Variants in MLXIP observed in about 807,000 individuals in gnomAD.
The protein encoded by MLXIP is MLX interacting protein.
Under a neutral mutation model 87.2 loss-of-function variants are expected in MLXIP, and 30 were observed. The observed-to-expected ratio is 0.34, with a 90% CI of 0.26 to 0.47. The LOEUF is 0.47. Ranked by LOEUF, MLXIP falls within the 20% of genes least tolerant of loss-of-function variation. The pLI is 1.00. For synonymous variants in MLXIP, 530 were observed against 514.0 expected (o/e 1.03, Z -0.42); for missense variants, 1,002 against 1,240.1 (o/e 0.81, Z 2.88).
Position 122,133,643 on chromosome 12 carries a change from C to T in MLXIP, c.1388C>T (p.Pro463Leu), listed in dbSNP as rs553445850. ...CCTCCTGCCACTGCCCTGAACCCCC[C>T]GGCTCCACCCACCTTCCATCAGCCA... ...VPPPATALNP[P>L]APPTFHQPQK... Residue 463 changes from proline (P) to leucine (L), a missense_variant, in exon 9 of 17, where the codon CCG becomes CTG. Around this residue, in one of 3 missense-constraint regions of MLXIP, gnomAD observed 746 missense variants for 897.0 expected, o/e 0.83. Transcript: ENST00000319080. This position sits in a 1 kb window ranked among gnomAD's most constrained non-coding sequence, Gnocchi z 4.9. 9.3e-6 allele frequency: 15 copies of T among 1,613,132 alleles called. No homozygotes were observed. Among genetic ancestry groups the T allele is most frequent in the Admixed American group, 1.7e-5 (1 of 59,938 alleles).
chr12:122,122,372 A>G (rs1457811357), intron 1 of MLXIP, among the ~76,000 whole-genome samples: 1 of 151,874 alleles, frequency 6.6e-6, no homozygotes, highest in Admixed American at 6.6e-5. Flanking sequence ...GGCTTTGTAA[A>G]AAAAATTTTT....
Position 122,141,759 on chromosome 12 carries a change from G to C in MLXIP, c.2707G>C (p.Glu903Gln), listed in dbSNP as rs1307339769. 1 of 1,613,882 alleles carries C rather than the reference G, an allele frequency of 6.2e-7. No homozygotes were observed. Among genetic ancestry groups the C allele is most frequent in the South Asian group, 1.1e-5 (1 of 91,076 alleles). Residue 903 changes from glutamate to glutamine, a missense_variant, in exon 17 of 17, where the codon GAG (glutamate) becomes CAG (glutamine). By Grantham distance (29) the Glu-to-Gln change is conservative. Around this residue, in one of 3 missense-constraint regions of MLXIP, gnomAD observed 746 missense variants for 897.0 expected, o/e 0.83. Coordinates refer to ENST00000319080, the MANE Select transcript of MLXIP (RefSeq NM_014938.6). The part of the protein sequence containing the change: ...SILTDPAQLP[E>Q]QASKAVTRIG... ...CCTCACAGACCCGGCACAGCTGCCA[G>C]AGCAGGCGTCCAAGGCTGTCACCAG... is the stretch of plus-strand genomic sequence containing the variant.
intron 12 of MLXIP, 72 bp from the exon 13 acceptor site, chr12:122,138,122 G>T: frequency 1.5e-6 from 2 of 1,366,110 alleles, no homozygotes; most frequent in Non-Finnish European, 2.0e-6. Context: ...CAGGATCAGC[G>T]TAGGGGGTGA....
intron 1 of MLXIP, among the ~76,000 whole-genome samples, chr12:122,112,879 A>G (rs1333598077): frequency 6.6e-6 from 1 of 152,200 alleles, no homozygotes; most frequent in African/African-American, 2.4e-5. Context: ...GTAACAAGGG[A>G]AGCCGTGAAA....
intron 1 of MLXIP, among the ~76,000 whole-genome samples, chr12:122,113,038 T>G (rs1952628834): frequency 6.6e-6 from 1 of 152,238 alleles, no homozygotes; most frequent in African/African-American, 2.4e-5. Flanking sequence ...CATTGTTTAT[T>G]TGAAACAGCA....
intron 1 of MLXIP, among the ~76,000 whole-genome samples, chr12:122,101,696 G>A (rs540733877): frequency 8.7e-5 from 13 of 149,766 alleles, no homozygotes; most frequent in South Asian, 6.3e-4. Flanking sequence ...TTCTCCTGCC[G>A]CAGCCTCCCG....
intron 1 of MLXIP, among the ~76,000 whole-genome samples, chr12:122,089,899 A>G (rs139255540): frequency 6.6e-6 from 1 of 152,286 alleles, no homozygotes; most frequent in African/African-American, 2.4e-5. Context: ...TTACAGGATG[A>G]GAAGAAGGAA....
rs1953214424 is a variant in MLXIP at position 122,141,957 on chromosome 12, A to G, written c.*145A>G. 2.3e-6 allele frequency: 3 copies of G among 1,295,920 alleles called. No homozygotes were observed. The highest frequency in any genetic ancestry group is 2.3e-5 in the Admixed American group (1 of 44,144). The allele number at this position is 1,295,920 out of a possible 1,614,324, so 80.3% of individuals were successfully genotyped here. On this transcript the variant is annotated 3_prime_UTR_variant, in exon 17 of 17. Coordinates refer to ENST00000319080, the MANE Select transcript of MLXIP (RefSeq NM_014938.6). ...CGGCCCACCGTGGCATCGGGAGGCC[A>G]TGCTCAGGTCTGAAGCAGGTTTGGG...
chr12:122,098,458 G>A (rs1160656617), intron 1 of MLXIP, among the ~76,000 whole-genome samples: 1 of 152,166 alleles, frequency 6.6e-6, no homozygotes, highest in African/African-American at 2.4e-5. Context: ...TTTGTTGGCT[G>A]GGATCACTGG....
In MLXIP at chr12:122,145,823, T is replaced by A. The variant is rs1320814801; in HGVS notation, c.*4011T>A. ...ATGCACTGGCAGATGGACCTTGCTTTGGTCCAGCTCTTTTCCTTACCCTGG... is the reference window on the plus strand; with the variant it reads ...ATGCACTGGCAGATGGACCTTGCTTAGGTCCAGCTCTTTTCCTTACCCTGG... On this transcript the variant is annotated 3_prime_UTR_variant, in exon 17 of 17. Coordinates refer to ENST00000319080, the MANE Select transcript of MLXIP (RefSeq NM_014938.6). The A allele has an allele frequency of 6.6e-6, 1 of 152,344 alleles. No homozygotes were observed. Among genetic ancestry groups the A allele is most frequent in the East Asian group, 1.9e-4 (1 of 5,188 alleles). 9.4% of individuals were successfully genotyped at this position (152,344 alleles called of 1,614,324 possible). A position where few individuals can be genotyped will look rare whatever the true frequency, so the allele number is the denominator to read the frequency against.
chr12:122,119,207 C>A (rs970874069), intron 1 of MLXIP, among the ~76,000 whole-genome samples: 1 of 151,504 alleles, frequency 6.6e-6, no homozygotes, highest in Non-Finnish European at 1.5e-5. Context: ...AACAAACAAA[C>A]AAAAAAACAG....
At position 122,137,830 on chromosome 12, in the gene MLXIP, G is replaced by C. The variant is rs1393087758; in HGVS notation, c.2154+240G>C. On this transcript the variant is annotated intron_variant, in intron 12 of 16. Transcript: ENST00000319080. This position sits in a 1 kb window ranked among gnomAD's most constrained non-coding sequence, Gnocchi z 4.1. ...GGAGCCAACGCTGAGTCCACGTAGT[G>C]TGCAGGTACTGCTCAGGCTGCCCGC... 6.6e-6 allele frequency among the ~76,000 whole-genome samples: 1 copy of C among 152,238 alleles called. No homozygotes were observed. The highest frequency in any genetic ancestry group is 1.5e-5 in the Non-Finnish European group (1 of 68,042).
chr12:122,119,491 A>T (rs1952745527), intron 1 of MLXIP, among the ~76,000 whole-genome samples: 1 of 152,038 alleles, frequency 6.6e-6, no homozygotes, highest in African/African-American at 2.4e-5. Flanking sequence ...TTCCAGGTTC[A>T]TGCCATTCTC....
intron 1 of MLXIP, among the ~76,000 whole-genome samples, chr12:122,083,907 A>G (rs1952127656): frequency 6.6e-6 from 1 of 152,212 alleles, no homozygotes; most frequent in Admixed American, 6.5e-5. Context: ...TTGCAGTCAT[A>G]CGGAAGATAA....
At chr12:122,103,168 T>G (rs1205412012) in intron 1 of MLXIP, among the ~76,000 whole-genome samples, 2 of 151,086 alleles carry the variant, frequency 1.3e-5, no homozygotes, top group Non-Finnish European at 2.9e-5. Context: ...CATGCCTGGC[T>G]AATTTTATAT....
intron 9 of MLXIP, chr12:122,134,205 GTTT>G: frequency 8.0e-6 from 4 of 498,838 alleles, no homozygotes; most frequent in South Asian, 3.4e-5. Flanking sequence ...TTTTTGTTTG[GTTT>G]TTTTTTTTTT....
chr12:122,078,817 C>T lies in MLXIP; in HGVS notation c.-37C>T, dbSNP rs1952047462. The T allele has an allele frequency of 9.6e-7, 1 of 1,042,428 alleles. No individual in the cohort carries two copies. Among genetic ancestry groups the T allele is most frequent in the Non-Finnish European group, 1.2e-6 (1 of 867,832 alleles). The allele number at this position is 1,042,428 out of a possible 1,614,324, so 64.6% of individuals were successfully genotyped here. A position where few individuals can be genotyped will look rare whatever the true frequency, so the allele number is the denominator to read the frequency against. Reference sequence around the variant, plus strand: ...TGCCTCGCGCGCTTGTCGCGTTGCCCCGGGCTCCGGGGGATGCCCCCGGCC... The same window carrying T: ...TGCCTCGCGCGCTTGTCGCGTTGCCTCGGGCTCCGGGGGATGCCCCCGGCC... On this transcript the variant is annotated 5_prime_UTR_variant, in exon 1 of 17. Transcript: ENST00000319080.
rs1462255162 is a variant in MLXIP, at chr12:122,145,179, C to CG, written c.*3368dup. ...ATTTTACCGCAGGAAGCAATAGCAG[C>CG]GCTGGCCATTGGTGCTGATGACAGC... On this transcript the variant is annotated 3_prime_UTR_variant, in exon 17 of 17. Coordinates refer to ENST00000319080, the MANE Select transcript of MLXIP (RefSeq NM_014938.6). The CG allele has an allele frequency of 6.6e-6, 1 of 152,226 alleles. No individual in the cohort carries two copies. The highest frequency in any genetic ancestry group is 2.4e-5 in the African/African-American group (1 of 41,428). The allele number at this position is 152,226 out of a possible 1,614,324, so 9.4% of individuals were successfully genotyped here.
intron 15 of MLXIP, among the ~76,000 whole-genome samples, chr12:122,139,460 G>A (rs759321573): frequency 1.4e-4 from 21 of 152,194 alleles, no homozygotes; most frequent in Admixed American, 7.9e-4. Context: ...CGGCTCTCAC[G>A]GGGAGTGGTT....
Sources: allele counts gnomAD v4.1 joint callset (sites outside exome capture counted in the v4.1 genomes callset), GRCh38; gene constraint gnomAD v4.1.1; regional missense constraint gnomAD v4.1.1; non-coding constraint Gnocchi (gnomAD v3.1); transcripts MANE v1.5; gene names NCBI Gene and HGNC (gene_info 2026-07-23, HGNC 2026-07-21).